Variants in LRRTM4 observed in about 807,000 individuals in gnomAD.
The protein encoded by LRRTM4 is leucine-rich repeat transmembrane neuronal protein 4.
In LRRTM4, 25 loss-of-function variants were observed where a neutral mutation model predicts 47.6. That is an observed-to-expected ratio of 0.53 (90% CI 0.38 to 0.73). The LOEUF (loss-of-function observed/expected upper bound fraction) is 0.73. Ranked by LOEUF, LRRTM4 falls within the 30% of genes least tolerant of loss-of-function variation. LRRTM4 has a pLI of 0.00. For missense variants in LRRTM4, 638 were observed against 713.4 expected, an observed-to-expected ratio of 0.89 and a Z score of 1.20; for synonymous variants, 311 against 269.5, an observed-to-expected ratio of 1.15 and a Z score of -1.51.
intron 3 of LRRTM4, among the ~76,000 whole-genome samples, chr2:77,059,263 A>T (rs2103794953): frequency 6.6e-6 from 1 of 152,222 alleles, no homozygotes; most frequent in East Asian, 1.9e-4. Flanking sequence ...CCTGACAAAT[A>T]TATTGAGATT....
intron 3 of LRRTM4, among the ~76,000 whole-genome samples, chr2:77,214,117 T>C (rs913802968): frequency 6.6e-6 from 1 of 152,178 alleles, no homozygotes; most frequent in African/African-American, 2.4e-5. Flanking sequence ...AAAGAATTCA[T>C]TCCATTTTGC....
intron 3 of LRRTM4, among the ~76,000 whole-genome samples, chr2:77,196,474 CTGTAATCCCA>C (rs964586340): frequency 3.9e-5 from 6 of 152,142 alleles, no homozygotes; most frequent in South Asian, 2.1e-4. Context: ...TGGCTCATGC[CTGTAATCCCA>C]TGTAATCCCA....
At chr2:77,343,993 T>C (rs1671468968) in intron 3 of LRRTM4, among the ~76,000 whole-genome samples, 2 of 151,862 alleles carry the variant, frequency 1.3e-5, no homozygotes, top group Non-Finnish European at 2.9e-5. Flanking sequence ...AAGGATACGA[T>C]GGCTTTAAAG....
At chr2:77,003,077 A>T (rs1237147360) in intron 3 of LRRTM4, among the ~76,000 whole-genome samples, 1 of 151,722 alleles carries the variant, frequency 6.6e-6, no homozygotes. Flanking sequence ...GTTTATTTTT[A>T]ATTTTTTTAT....
At chr2:77,447,024 A>G (rs1404638097) in intron 3 of LRRTM4, among the ~76,000 whole-genome samples, 1 of 152,036 alleles carries the variant, frequency 6.6e-6, no homozygotes, top group African/African-American at 2.4e-5. Flanking sequence ...AAATCTAGTG[A>G]TGCAAAACAA....
intron 3 of LRRTM4, chr2:77,008,938 G>GAAAAAAAAA (rs1346602340): frequency 1.2e-5 from 1 of 81,886 alleles, no homozygotes; most frequent in Non-Finnish European, 2.3e-5. Context: ...GAGCCAACAA[G>GAAAAAAAAA]AAAAAAAAGA....
chr2:77,044,560 G>T (rs1679168095), intron 3 of LRRTM4, among the ~76,000 whole-genome samples: 1 of 151,572 alleles, frequency 6.6e-6, no homozygotes, highest in Non-Finnish European at 1.5e-5. Flanking sequence ...GTCTGTGAGT[G>T]TGTGTGTGTG....
At chr2:76,750,397 C>A (rs1391175188) in intron 3 of LRRTM4, among the ~76,000 whole-genome samples, 1 of 152,198 alleles carries the variant, frequency 6.6e-6, no homozygotes, top group Non-Finnish European at 1.5e-5. Flanking sequence ...GTAGCTACTT[C>A]CTAACATTGC....
At chr2:77,479,041 T>A (rs1677547387) in intron 3 of LRRTM4, among the ~76,000 whole-genome samples, 1 of 152,000 alleles carries the variant, frequency 6.6e-6, no homozygotes, top group South Asian at 2.1e-4. Flanking sequence ...ATTATAGGCA[T>A]GTGCCACCAT....
In LRRTM4 at chr2:77,008,947, GAA is replaced by G. The variant is rs993890146; in HGVS notation, c.1552-260033_1552-260032del. The G allele has an allele frequency of 7.9e-5, 10 of 126,418 alleles. No individual in the cohort carries two copies. The Admixed American group carries it at 8.0e-4, about 10-fold the overall frequency. 7.8% of individuals were successfully genotyped at this position (126,418 alleles called of 1,614,324 possible). ...ATATTGGAGCCAACAAGAAAAAAAAGAAAAGAAAAAAAAAACGATGAAATGCA... is the reference window on the plus strand; with the variant it reads ...ATATTGGAGCCAACAAGAAAAAAAAGAAGAAAAAAAAAACGATGAAATGCA... On this transcript the variant is annotated intron_variant, in intron 3 of 3. Transcript: ENST00000409884.
intron 3 of LRRTM4, among the ~76,000 whole-genome samples, chr2:77,306,764 T>C (rs1029144866): frequency 6.6e-6 from 1 of 151,882 alleles, no homozygotes; most frequent in South Asian, 2.1e-4. Flanking sequence ...AGTAATGAAA[T>C]AGAGGGAAAA....
intron 3 of LRRTM4, among the ~76,000 whole-genome samples, chr2:77,057,017 C>G (rs1439210749): frequency 6.6e-6 from 1 of 152,188 alleles, no homozygotes; most frequent in Non-Finnish European, 1.5e-5. Flanking sequence ...ATAGCCATGA[C>G]TATTCTTTTG....
chr2:77,433,235 C>T (rs189378421), intron 3 of LRRTM4, among the ~76,000 whole-genome samples: 68 of 152,178 alleles, frequency 4.5e-4, no homozygotes, highest in African/African-American at 1.6e-3. Flanking sequence ...AAAGCTGCTG[C>T]CCTGAAGAAG....
intron 3 of LRRTM4, among the ~76,000 whole-genome samples, chr2:76,936,825 G>A (rs1355314564): frequency 1.3e-5 from 2 of 150,546 alleles, no homozygotes; most frequent in East Asian, 3.9e-4. Context: ...GTGGTGGCAG[G>A]CAACTGTAAT....
intron 3 of LRRTM4, among the ~76,000 whole-genome samples, chr2:77,161,799 T>A (rs1236303680): frequency 6.6e-6 from 1 of 152,218 alleles, no homozygotes; most frequent in African/African-American, 2.4e-5. Context: ...TCTTCTTTAG[T>A]AAAATATTAT....
intron 3 of LRRTM4, among the ~76,000 whole-genome samples, chr2:77,234,522 T>C (rs1573117067): frequency 6.6e-6 from 1 of 152,196 alleles, no homozygotes; most frequent in East Asian, 1.9e-4. Context: ...AAATTGATTA[T>C]AATATATTTA....
chr2:77,074,420 G>C (rs1294704705), intron 3 of LRRTM4, among the ~76,000 whole-genome samples: 1 of 151,996 alleles, frequency 6.6e-6, no homozygotes, highest in East Asian at 1.9e-4. Context: ...TTATCATTTA[G>C]GAATTAGTAG....
chr2:77,286,199 C>T (rs1185370576), intron 3 of LRRTM4, among the ~76,000 whole-genome samples: 1 of 152,022 alleles, frequency 6.6e-6, no homozygotes, highest in East Asian at 1.9e-4. Flanking sequence ...GAGAATTCTG[C>T]TGGAGTATAT....
At chr2:77,428,826 T>TAA (rs1675232138) in intron 3 of LRRTM4, among the ~76,000 whole-genome samples, 1 of 152,236 alleles carries the variant, frequency 6.6e-6, no homozygotes, top group South Asian at 2.1e-4. Flanking sequence ...GCCTTGTGAT[T>TAA]AAGTAGAATC....
Sources: gnomAD v4.1 joint callset for allele counts (sites outside exome capture counted in the v4.1 genomes callset) on GRCh38, gnomAD v4.1.1 for gene constraint, MANE v1.5 for transcripts, NCBI Gene and HGNC (gene_info 2026-07-23, HGNC 2026-07-21) for gene names.